Variants in DHRS2 observed in about 807,000 individuals in gnomAD.
DHRS2 encodes the protein dehydrogenase/reductase SDR family member 2, mitochondrial.
A neutral mutation model predicts 26.3 loss-of-function variants in DHRS2; 29 were observed. The observed-to-expected ratio is 1.10, with a 90% CI of 0.82 to 1.50. The LOEUF (loss-of-function observed/expected upper bound fraction) is 1.50, where lower values mean the gene tolerates loss of function less well. DHRS2 is among the 40% of genes most tolerant of loss of function. The pLI, the probability that DHRS2 is intolerant of heterozygous loss-of-function variation, is 0.00. For missense variants in DHRS2, 439 were observed against 367.1 expected (o/e 1.20, Z -1.60); for synonymous variants, 164 against 151.3 (o/e 1.08, Z -0.62).
At chr14:23,633,596 A>C (rs73592928), upstream of DHRS2, among the ~76,000 whole-genome samples, 14,435 of 151,926 alleles carry the variant, frequency 0.095, 2,389 homozygotes, top group African/African-American at 0.33. Flanking sequence ...CTTATTGAGC[A>C]CTCCTGTGTT....
At position 23,643,173 on chromosome 14, in the gene DHRS2, TC is replaced by T; in HGVS notation, c.446del (p.Pro149GlnfsTer5). On this transcript the variant is annotated frameshift_variant, in exon 5 of 9. Transcript: ENST00000250383. LOFTEE classifies it high-confidence loss of function. ...WDKILSVNVK[S>X]PALLLSQLLP... ...TCAGATCCTAAGTGTGAACGTGAAG[TC>T]CCCAGCCCTGCTGCTGAGCCAGTTG... The T allele has an allele frequency of 6.2e-7, 1 of 1,614,046 alleles. No individual in the cohort carries two copies. The highest frequency in any genetic ancestry group is 1.6e-4 in the Middle Eastern group (1 of 6,062).
intron 6 of DHRS2, 117 bp downstream of exon 6, chr14:23,644,279 C>T (rs1471910418): frequency 1.9e-6 from 3 of 1,556,606 alleles, no homozygotes; most frequent in African/African-American, 1.4e-5. Context: ...CTCCTGCTGC[C>T]CTGGGCTGAG....
upstream of DHRS2, among the ~76,000 whole-genome samples, chr14:23,635,218 A>G (rs1238371114): frequency 6.6e-6 from 1 of 152,082 alleles, no homozygotes; most frequent in Non-Finnish European, 1.5e-5. Flanking sequence ...ATGCACCACC[A>G]CACCCAGCTA....
intron 8 of DHRS2, 117 bp from the exon 9 acceptor site, chr14:23,645,025 A>G (rs1049957481): frequency 1.3e-6 from 2 of 1,568,526 alleles, no homozygotes; most frequent in African/African-American, 2.7e-5. Context: ...GGGTGCAAGT[A>G]GCCCTGCTGC....
chr14:23,641,661 A>T (rs1890676076), intron 4 of DHRS2: 1 of 1,289,666 alleles, frequency 7.8e-7, no homozygotes, highest in Admixed American at 2.3e-5. Context: ...ATTCCTTCTT[A>T]TTAGGGACCT....
intron 1 of DHRS2, among the ~76,000 whole-genome samples, chr14:23,637,453 G>A (rs894337114): frequency 6.6e-6 from 1 of 152,138 alleles, no homozygotes; most frequent in Non-Finnish European, 1.5e-5. Context: ...GGGAGCCTCA[G>A]AAATTGTATC....
At chr14:23,641,914 G>A (rs1445426026) in intron 4 of DHRS2, 1 of 1,195,514 alleles carries the variant, frequency 8.4e-7, no homozygotes, top group African/African-American at 1.6e-5. Context: ...CCTGAATCAG[G>A]ACAGATCCCT....
Position 23,644,415 on chromosome 14 carries a change from G to T in DHRS2, c.547G>T (p.Gly183Cys). The T allele has an allele frequency of 6.2e-7, 1 of 1,614,096 alleles. No homozygotes were observed. Among genetic ancestry groups the T allele is most frequent in the African/African-American group, 1.3e-5 (1 of 75,036 alleles). The change falls in exon 7 of 9, where the codon GGT becomes TGT. Residue 183 changes from glycine to cysteine, a missense_variant. Physicochemically the swap from Gly to Cys is radical, Grantham distance 159 (BLOSUM62 -3). Coordinates refer to ENST00000250383, the MANE Select transcript of DHRS2 (RefSeq NM_005794.4). The stretch of plus-strand genomic sequence containing the variant: ...CTGTCAATTCCCTTCCCAGGCGCTG[G>T]GTGTCTACAATGTCAGCAAGACAGC... The part of the protein sequence containing the change: ...IAAYNPVVAL[G>C]VYNVSKTALL...
At position 23,638,860 on chromosome 14, in the gene DHRS2, C is replaced by T. The variant is rs749085785; in HGVS notation, c.-5C>T. The T allele has an allele frequency of 1.2e-6, 2 of 1,612,942 alleles. No individual in the cohort carries two copies. Among genetic ancestry groups the T allele is most frequent in the African/African-American group, 2.7e-5 (2 of 74,894 alleles). ...CAGCAGGAAGCATCTCAGACACCAA[C>T]CACTATGCTGTCAGCAGTTGCCCGG... On this transcript the variant is annotated 5_prime_UTR_variant, in exon 2 of 9. Coordinates refer to ENST00000250383, the MANE Select transcript of DHRS2 (RefSeq NM_005794.4).
intron 1 of DHRS2, among the ~76,000 whole-genome samples, chr14:23,637,755 T>A (rs1890397950): frequency 6.6e-6 from 1 of 152,178 alleles, no homozygotes; most frequent in African/African-American, 2.4e-5. Flanking sequence ...AACTTTTGTG[T>A]CTAGCGAAAG....
At chr14:23,639,427 T>TGTGGG in intron 3 of DHRS2, 71 bp downstream of exon 3, 1 of 1,475,566 alleles carries the variant, frequency 6.8e-7, no homozygotes, top group South Asian at 1.4e-5. Flanking sequence ...GCTTGGCCCT[T>TGTGGG]GTGGGGTGGG....
intron 5 of DHRS2, 51 bp downstream of exon 5, chr14:23,643,270 G>C: frequency 6.4e-7 from 1 of 1,557,370 alleles, no homozygotes; most frequent in Non-Finnish European, 8.8e-7. Context: ...CCTGAGGTGG[G>C]CACAGAAATA....
rs769089260 is a variant in DHRS2 at position 23,645,184 on chromosome 14, G to A, written c.774G>A (p.Leu258=). ...SEDCAGIVSF[L]CSPDASYVNG... ...ACTGTGCAGGAATCGTGTCCTTCCT[G>A]TGCTCTCCAGATGCCAGCTACGTCA... The change falls in exon 9 of 9, where the codon CTG becomes CTA. Residue 258 remains leucine (L), a synonymous_variant. Coordinates refer to ENST00000250383, the MANE Select transcript of DHRS2 (RefSeq NM_005794.4). The A allele has an allele frequency of 3.2e-5, 51 of 1,614,050 alleles. No homozygotes were observed. The highest frequency in any genetic ancestry group is 4.2e-5 in the Non-Finnish European group (50 of 1,180,034).
At chr14:23,633,413 A>G (rs987424416), upstream of DHRS2, among the ~76,000 whole-genome samples, 3 of 152,152 alleles carry the variant, frequency 2.0e-5, no homozygotes, top group African/African-American at 7.2e-5. Context: ...TTCCAGGCAC[A>G]TAGGCATCCC....
intron 4 of DHRS2, 33 bp downstream of exon 4, chr14:23,639,928 G>A (rs750730403): frequency 2.0e-6 from 3 of 1,523,982 alleles, no homozygotes; most frequent in Admixed American, 4.1e-5. Flanking sequence ...GCGGCTGAGG[G>A]CCCGATTCCA....
At chr14:23,633,735 A>C (rs890532507), upstream of DHRS2, among the ~76,000 whole-genome samples, 10 of 152,186 alleles carry the variant, frequency 6.6e-5, no homozygotes, top group African/African-American at 2.2e-4. Flanking sequence ...AATGTTTAAA[A>C]TCAGAAAGTT....
intron 1 of DHRS2, among the ~76,000 whole-genome samples, chr14:23,637,190 C>T (rs977671696): frequency 1.3e-5 from 2 of 152,204 alleles, no homozygotes; most frequent in African/African-American, 2.4e-5. Context: ...CTTTCTCTCT[C>T]CTCTCTTCTC....
At position 23,639,009 on chromosome 14, in the gene DHRS2, G is replaced by C. The variant is rs533508844; in HGVS notation, c.140+5G>C. On this transcript the variant is annotated splice_donor_5th_base_variant and intron_variant, in intron 2 of 8. Transcript: ENST00000250383. The stretch of plus-strand genomic sequence containing the variant: ...GGTCACGGGGTCCACCAGTGGGTGA[G>C]TGCTGGATTGCCCATGGGTCCTGGC... The C allele has an allele frequency of 1.2e-6, 2 of 1,612,494 alleles. No individual in the cohort carries two copies. The highest frequency in any genetic ancestry group is 1.7e-6 in the Non-Finnish European group (2 of 1,179,768).
chr14:23,639,968 C>G (rs1182376843), intron 4 of DHRS2, 73 bp downstream of exon 4: 4 of 1,262,868 alleles, frequency 3.2e-6, no homozygotes, highest in African/African-American at 1.6e-5. Context: ...CATGCCTGTG[C>G]CCACCAAGAC....
Sources: gnomAD v4.1 joint callset for allele counts (sites outside exome capture counted in the v4.1 genomes callset) on GRCh38, gnomAD v4.1.1 for gene constraint, MANE v1.5 for transcripts, NCBI Gene and HGNC (gene_info 2026-07-23, HGNC 2026-07-21) for gene names.